Variants in SLC25A20 observed in about 807,000 individuals in gnomAD.
SLC25A20 encodes mitochondrial carnitine/acylcarnitine carrier protein.
Under a neutral mutation model 39.7 loss-of-function variants are expected in SLC25A20, and 29 were observed. That is an observed-to-expected ratio of 0.73 (90% confidence interval 0.54 to 1.00). The LOEUF (loss-of-function observed/expected upper bound fraction) is 1.00. SLC25A20 is among the 50% of genes least tolerant of loss of function. SLC25A20 has a pLI of 0.00. For synonymous variants in SLC25A20, 103 were observed against 142.2 expected (o/e 0.72, Z 1.96); for missense variants, 333 against 379.9 (o/e 0.88, Z 1.03).
rs1199869506 is a variant in SLC25A20 at position 48,898,672 on chromosome 3, C to A, written c.105+18G>T. The A allele has an allele frequency of 3.2e-6, 5 of 1,583,030 alleles. No homozygotes were observed. The highest frequency in any genetic ancestry group is 2.3e-5 in the South Asian group (2 of 87,224). On this transcript the variant is annotated intron_variant, in intron 1 of 8. Transcript: ENST00000319017. ...GCCCGGGCCTCCTCCCCAAAGCCTG[C>A]GACCCAGCCTCCCGCACCTTGACCG...
At chr3:48,869,092 T>C (rs906733843) in intron 4 of SLC25A20, among the ~76,000 whole-genome samples, 6 of 152,084 alleles carry the variant, frequency 3.9e-5, no homozygotes, top group Non-Finnish European at 2.9e-5. Flanking sequence ...GATTTCTACC[T>C]CCACCTAGCT....
chr3:48,880,528 C>T (rs1575987979), intron 3 of SLC25A20, among the ~76,000 whole-genome samples: 1 of 147,710 alleles, frequency 6.8e-6, no homozygotes, highest in South Asian at 2.2e-4. Flanking sequence ...CCACCCACTT[C>T]GGCCTCCCAG....
At chr3:48,859,853 T>C (rs956311498) in intron 5 of SLC25A20, among the ~76,000 whole-genome samples, 1 of 152,016 alleles carries the variant, frequency 6.6e-6, no homozygotes, top group Non-Finnish European at 1.5e-5. Context: ...TAGTAATTTA[T>C]GTAGACTAAA....
At chr3:48,884,213 G>A (rs1464548401) in intron 2 of SLC25A20, 89 bp from the exon 3 acceptor site, 1 of 1,554,202 alleles carries the variant, frequency 6.4e-7, no homozygotes, top group Non-Finnish European at 8.8e-7. Flanking sequence ...CCTCCAAACT[G>A]TGGCTTCCTT....
intron 1 of SLC25A20, among the ~76,000 whole-genome samples, chr3:48,892,635 T>A (rs531360030): frequency 1.3e-5 from 2 of 152,126 alleles, no homozygotes; most frequent in Non-Finnish European, 2.9e-5. Flanking sequence ...CAGGCAGGAG[T>A]TCCCTCTTAC....
chr3:48,879,433 A>G lies in SLC25A20; in HGVS notation c.342T>C (p.Phe114=), dbSNP rs1005857338. 1 of 1,613,524 alleles carries G rather than the reference A, an allele frequency of 6.2e-7. No homozygotes were observed. The highest frequency in any genetic ancestry group is 1.1e-5 in the South Asian group (1 of 91,084). Residue 114 remains phenylalanine (F), a synonymous_variant, in exon 4 of 9, where the codon TTT becomes TTC. Coordinates refer to ENST00000319017, the MANE Select transcript of SLC25A20 (RefSeq NM_000387.6). ...ATACGCCAGATAACATCCCAGCTGCAAAAAGCTGGGGATAGCTGCATTGAA... is the reference window on the plus strand; with the variant it reads ...ATACGCCAGATAACATCCCAGCTGCGAAAAGCTGGGGATAGCTGCATTGAA... ...PEDVLSYPQL[F]AAGMLSGVFT...
In SLC25A20 at chr3:48,860,745, A is replaced by G. The variant is rs374031428; in HGVS notation, c.536-1118T>C. 1.2e-4 allele frequency among the ~76,000 whole-genome samples: 18 copies of G among 151,800 alleles called. No homozygotes were observed. The East Asian group carries it at 2.5e-3, about 21-fold the overall frequency. On this transcript the variant is annotated intron_variant, in intron 5 of 8. Coordinates refer to ENST00000319017, the MANE Select transcript of SLC25A20 (RefSeq NM_000387.6). The stretch of plus-strand genomic sequence containing the variant: ...GGAGGTTGCAGTAAGCCAAGATCAC[A>G]CTAATGCACTCCTGGCTGGGCAACA...
rs770977156 is a variant in SLC25A20, at chr3:48,898,834, C to T, written c.-40G>A. 9 of 1,538,328 alleles carry T rather than the reference C, an allele frequency of 5.9e-6. No homozygotes were observed. The Admixed American group carries it at 5.9e-5, about 10-fold the overall frequency. On this transcript the variant is annotated 5_prime_UTR_variant, in exon 1 of 9. Coordinates refer to ENST00000319017, the MANE Select transcript of SLC25A20 (RefSeq NM_000387.6). ...TCACTCCGTCTGTCAGTTCTCGGGC[C>T]GTCCTGGCTTCTCAGCCCCAGCTGC...
chr3:48,869,167 T>C lies in SLC25A20; in HGVS notation c.418-6508A>G, dbSNP rs373443840. ...TCAGAAAAACCCTCAACTCAATATGTAAATATCCAGGTTGCAATTGAAAAA... is the reference window on the plus strand; with the variant it reads ...TCAGAAAAACCCTCAACTCAATATGCAAATATCCAGGTTGCAATTGAAAAA... On this transcript the variant is annotated intron_variant, in intron 4 of 8. Coordinates refer to ENST00000319017, the MANE Select transcript of SLC25A20 (RefSeq NM_000387.6). Among the ~76,000 whole-genome samples, 18 of 152,228 alleles carry C rather than the reference T, an allele frequency of 1.2e-4. No homozygotes were observed. In the East Asian group the frequency reaches 2.5e-3, roughly 21 times the overall value.
intron 1 of SLC25A20, among the ~76,000 whole-genome samples, chr3:48,896,483 TTTTTGTTTTGTTTTG>T (rs144499213): frequency 8.4e-4 from 123 of 147,118 alleles, no homozygotes; most frequent in East Asian, 2.1e-3. Flanking sequence ...TTGCAGGTGG[TTTTTGTTTTGTTTTG>T]TTTTGTTTTG....
intron 4 of SLC25A20, among the ~76,000 whole-genome samples, chr3:48,875,947 C>T (rs547440525): frequency 1.3e-5 from 2 of 152,262 alleles, no homozygotes; most frequent in East Asian, 3.9e-4. Flanking sequence ...TCTCAGGAGG[C>T]AGAGATTGCA....
intron 4 of SLC25A20, among the ~76,000 whole-genome samples, chr3:48,871,948 T>C (rs537685651): frequency 3.4e-5 from 5 of 147,150 alleles, no homozygotes; most frequent in Admixed American, 2.1e-4. Context: ...CGCAAGTAGC[T>C]GGGACTACAG....
At chr3:48,883,590 TA>T (rs2083809751) in intron 3 of SLC25A20, among the ~76,000 whole-genome samples, 1 of 146,722 alleles carries the variant, frequency 6.8e-6, no homozygotes. Flanking sequence ...GAGTCAGGCC[TA>T]GGGGCCCAGG....
intron 8 of SLC25A20, 38 bp downstream of exon 8, chr3:48,858,469 A>T (rs2083597363): frequency 1.9e-5 from 30 of 1,613,858 alleles, no homozygotes; most frequent in Non-Finnish European, 2.5e-5. Flanking sequence ...CCCTGCCCTG[A>T]GCCCCAGAGG....
chr3:48,896,840 T>TA (rs1204661355), intron 1 of SLC25A20, among the ~76,000 whole-genome samples: 1 of 151,884 alleles, frequency 6.6e-6, no homozygotes, highest in African/African-American at 2.4e-5. Context: ...TATTTTATAA[T>TA]ATGATCCCCA....
chr3:48,877,973 T>C (rs1186731261), intron 4 of SLC25A20, among the ~76,000 whole-genome samples: 1 of 151,796 alleles, frequency 6.6e-6, no homozygotes, highest in Admixed American at 6.6e-5. Context: ...TCTGAAAACC[T>C]TGAAATAGTC....
At chr3:48,859,472 ACTT>A in intron 6 of SLC25A20, 80 bp downstream of exon 6, 1 of 1,153,686 alleles carries the variant, frequency 8.7e-7, no homozygotes, top group Non-Finnish European at 1.3e-6. Flanking sequence ...AACAACAACT[ACTT>A]CTGCTTTCAG....
chr3:48,883,921 G>A, intron 3 of SLC25A20, 76 bp downstream of exon 3: 1 of 1,577,208 alleles, frequency 6.3e-7, no homozygotes, highest in Non-Finnish European at 8.6e-7. Flanking sequence ...ACCGCGCCCT[G>A]CCCAAGTTTC....
intron 3 of SLC25A20, among the ~76,000 whole-genome samples, chr3:48,880,510 C>G (rs1328057972): frequency 1.3e-5 from 2 of 149,984 alleles, no homozygotes; most frequent in African/African-American, 4.9e-5. Flanking sequence ...CTCCTGACCT[C>G]AAGTGATCCA....
Sources: allele counts gnomAD v4.1 joint callset (sites outside exome capture counted in the v4.1 genomes callset), GRCh38; gene constraint gnomAD v4.1.1; transcripts MANE v1.5; gene names NCBI Gene and HGNC (gene_info 2026-07-23, HGNC 2026-07-21).